IMMP2L: variants seen among roughly 807,000 people sequenced by gnomAD.
The protein encoded by IMMP2L is inner mitochondrial membrane peptidase subunit 2.
IMMP2L carries 18 observed loss-of-function variants against 19.3 expected under a neutral mutation model. The observed-to-expected ratio is 0.93, with a 90% confidence interval of 0.64 to 1.38. The LOEUF is 1.38. Among genes scored for constraint, IMMP2L ranks in the 40% most tolerant of loss-of-function variants. IMMP2L has a pLI of 0.00. For missense variants in IMMP2L, 233 were observed against 218.2 expected (o/e 1.07, Z -0.43); for synonymous variants, 76 against 73.0 (o/e 1.04, Z -0.21).
chr7:111,337,698 T>C (rs892226617), intron 3 of IMMP2L, among the ~76,000 whole-genome samples: 8 of 151,890 alleles, frequency 5.3e-5, no homozygotes, highest in African/African-American at 1.9e-4. Context: ...AATGGGCAGG[T>C]AGGCTGACAA....
At chr7:111,307,051 T>G (rs1822960031) in intron 3 of IMMP2L, among the ~76,000 whole-genome samples, 1 of 150,270 alleles carries the variant, frequency 6.7e-6, no homozygotes, top group Admixed American at 6.7e-5. Flanking sequence ...TATATAGTCC[T>G]TAGTTTATCA....
intron 3 of IMMP2L, among the ~76,000 whole-genome samples, chr7:110,987,545 G>C (rs1821987500): frequency 6.6e-6 from 1 of 152,086 alleles, no homozygotes. Context: ...AGGAATGCTA[G>C]TTTTCCAAGA....
intron 5 of IMMP2L, among the ~76,000 whole-genome samples, chr7:110,696,528 G>T (rs1335302207): frequency 6.8e-6 from 1 of 147,932 alleles, no homozygotes; most frequent in Non-Finnish European, 1.5e-5. Flanking sequence ...CCAGGTTCAA[G>T]CGATTCTCCT....
chr7:110,821,895 C>T (rs911097967), intron 5 of IMMP2L, among the ~76,000 whole-genome samples: 2 of 152,030 alleles, frequency 1.3e-5, no homozygotes, highest in Non-Finnish European at 2.9e-5. Context: ...TGCACTCCAG[C>T]CTGGTGACAG....
intron 1 of IMMP2L, among the ~76,000 whole-genome samples, chr7:111,544,162 C>A (rs1848711535): frequency 6.6e-6 from 1 of 151,962 alleles, no homozygotes; most frequent in Admixed American, 6.6e-5. Flanking sequence ...AAACCAAACA[C>A]CACATGTTCT....
At chr7:111,332,265 T>G in intron 3 of IMMP2L, among the ~76,000 whole-genome samples, 1 of 151,826 alleles carries the variant, frequency 6.6e-6, no homozygotes. Context: ...TAAAAAAGGT[T>G]ACTAGAGAAA....
At chr7:111,193,391 G>A (rs553623012) in intron 3 of IMMP2L, among the ~76,000 whole-genome samples, 3 of 152,006 alleles carry the variant, frequency 2.0e-5, no homozygotes, top group Admixed American at 6.6e-5. Flanking sequence ...TCTTAAAGGC[G>A]CAATAAAAAT....
chr7:111,290,827 A>AACACACAC (rs541375499), intron 3 of IMMP2L, among the ~76,000 whole-genome samples: 287 of 135,076 alleles, frequency 2.1e-3, no homozygotes, highest in African/African-American at 6.5e-3. Flanking sequence ...TATATATACA[A>AACACACAC]ACACACACAC....
chr7:111,044,689 C>A (rs995709490), intron 3 of IMMP2L, among the ~76,000 whole-genome samples: 1 of 152,178 alleles, frequency 6.6e-6, no homozygotes, highest in Non-Finnish European at 1.5e-5. Context: ...TGATGAGTGA[C>A]AGATGCACAA....
chr7:111,529,711 A>G (rs1356761312), intron 1 of IMMP2L, among the ~76,000 whole-genome samples: 1 of 152,182 alleles, frequency 6.6e-6, no homozygotes, highest in Non-Finnish European at 1.5e-5. Context: ...ACAATGATGA[A>G]GCTAAGCCCT....
At chr7:110,980,288 A>G (rs1015169347) in intron 3 of IMMP2L, among the ~76,000 whole-genome samples, 8 of 131,430 alleles carry the variant, frequency 6.1e-5, no homozygotes, top group African/African-American at 2.4e-4. Flanking sequence ...AGTGCAGTGG[A>G]GCAATCTTGG....
intron 3 of IMMP2L, among the ~76,000 whole-genome samples, chr7:111,212,326 C>T (rs929809155): frequency 5.9e-4 from 89 of 151,880 alleles, no homozygotes; most frequent in African/African-American, 2.1e-3. Context: ...ACAATAATTA[C>T]GGCCGGATGC....
chr7:111,083,503 A>C (rs1449552117), intron 3 of IMMP2L, among the ~76,000 whole-genome samples: 1 of 152,202 alleles, frequency 6.6e-6, no homozygotes, highest in African/African-American at 2.4e-5. Flanking sequence ...GTTAAGCTAT[A>C]AAACCCGCAA....
intron 3 of IMMP2L, among the ~76,000 whole-genome samples, chr7:111,143,345 G>A (rs1803139472): frequency 6.6e-6 from 1 of 152,090 alleles, no homozygotes; most frequent in Non-Finnish European, 1.5e-5. Flanking sequence ...GGCTAAATAA[G>A]CGAGGTAAAC....
intron 3 of IMMP2L, among the ~76,000 whole-genome samples, chr7:111,153,345 C>T (rs957791596): frequency 2.0e-5 from 3 of 152,080 alleles, no homozygotes; most frequent in Non-Finnish European, 4.4e-5. Flanking sequence ...ACAATAAACA[C>T]TATGCTACCA....
rs556349037 is a variant in IMMP2L at position 110,877,994 on chromosome 7, T to C, written c.408+8599A>G. On this transcript the variant is annotated intron_variant, in intron 5 of 5. Transcript: ENST00000405709. The surrounding 1 kb of genome is among the most constrained non-coding windows in gnomAD (Gnocchi z 4.0). Reference sequence around the variant, plus strand: ...TTGATCACAGGCAGGATTTCAGCCATCTAAGCACTTAGCTTAGAAGTGCCT... The same window carrying C: ...TTGATCACAGGCAGGATTTCAGCCACCTAAGCACTTAGCTTAGAAGTGCCT... Among the ~76,000 whole-genome samples the C allele has an allele frequency of 5.3e-5, 8 of 152,250 alleles. No homozygotes were observed. In the South Asian group the frequency reaches 1.5e-3, roughly 28 times the overall value.
At chr7:111,353,475 T>C (rs1266883401) in intron 3 of IMMP2L, among the ~76,000 whole-genome samples, 1 of 152,230 alleles carries the variant, frequency 6.6e-6, no homozygotes, top group Admixed American at 6.5e-5. Context: ...CAGAGCTTTA[T>C]TTTAAAAACT....
intron 3 of IMMP2L, among the ~76,000 whole-genome samples, chr7:111,062,187 C>T (rs1459119646): frequency 6.6e-6 from 1 of 152,200 alleles, no homozygotes; most frequent in African/African-American, 2.4e-5. Context: ...ATTGGACTCA[C>T]AGTTCCACAT....
chr7:111,127,228 A>G (rs1801403882), intron 3 of IMMP2L, among the ~76,000 whole-genome samples: 1 of 152,186 alleles, frequency 6.6e-6, no homozygotes, highest in Non-Finnish European at 1.5e-5. Context: ...CACCACAAAC[A>G]GAGCTTTACA....
Sources: allele counts gnomAD v4.1 joint callset (sites outside exome capture counted in the v4.1 genomes callset), GRCh38; gene constraint gnomAD v4.1.1; non-coding constraint Gnocchi (gnomAD v3.1); transcripts MANE v1.5; gene names NCBI Gene and HGNC (gene_info 2026-07-23, HGNC 2026-07-21).